Variants in MCF2L2 observed in about 807,000 individuals in gnomAD.
MCF2L2 encodes MCF.2 cell line derived transforming sequence-like 2.
MCF2L2 carries 102 observed loss-of-function variants against 150.2 expected under a neutral mutation model. The ratio of observed to expected loss-of-function variants is 0.68; its 90% CI spans 0.58 to 0.80. The LOEUF is 0.80. MCF2L2 is among the 30% of genes least tolerant of loss of function. The pLI, the probability that MCF2L2 is intolerant of heterozygous loss-of-function variation, is 0.00. For missense variants in MCF2L2, 1,256 were observed against 1,372.8 expected (o/e 0.91, Z 1.34); for synonymous variants, 465 against 491.3 (o/e 0.95, Z 0.71).
At chr3:183,209,431 A>G (rs1722609395) in intron 22 of MCF2L2, among the ~76,000 whole-genome samples, 1 of 152,160 alleles carries the variant, frequency 6.6e-6, no homozygotes, top group Non-Finnish European at 1.5e-5. Context: ...ACCTGACCAC[A>G]TGTGATGGGT....
chr3:183,340,904 C>T (rs534084968), intron 4 of MCF2L2, among the ~76,000 whole-genome samples: 1 of 152,298 alleles, frequency 6.6e-6, no homozygotes, highest in East Asian at 1.9e-4. Flanking sequence ...GATTGCGCCA[C>T]TGCACTCCAG....
At chr3:183,378,229 A>G (rs568458235) in intron 3 of MCF2L2, 1 of 152,308 alleles carries the variant, frequency 6.6e-6, no homozygotes, top group African/African-American at 2.4e-5. Flanking sequence ...TCTAAACCAC[A>G]CTATAGTCAA....
At chr3:183,278,311 T>C (rs1727284033) in intron 14 of MCF2L2, among the ~76,000 whole-genome samples, 1 of 151,066 alleles carries the variant, frequency 6.6e-6, no homozygotes, top group Admixed American at 6.6e-5. Context: ...GTGTGTGTTA[T>C]GATGTACTTC....
At chr3:183,363,670 G>A (rs1712347919) in intron 3 of MCF2L2, among the ~76,000 whole-genome samples, 1 of 152,108 alleles carries the variant, frequency 6.6e-6, no homozygotes, top group African/African-American at 2.4e-5. Context: ...AGCTCAGGAA[G>A]GTCGAGGCTG....
At chr3:183,203,681 A>C (rs1056229100) in intron 25 of MCF2L2, among the ~76,000 whole-genome samples, 11 of 152,262 alleles carry the variant, frequency 7.2e-5, no homozygotes, top group African/African-American at 2.4e-4. Context: ...TTAAAGAAGC[A>C]ATGGCTGAAC....
intron 5 of MCF2L2, among the ~76,000 whole-genome samples, chr3:183,325,540 AT>A (rs1440004250): frequency 6.6e-6 from 1 of 152,214 alleles, no homozygotes; most frequent in Non-Finnish European, 1.5e-5. Flanking sequence ...TTTAAAAGGT[AT>A]TTATTCTTTC....
At chr3:183,295,128 T>G (rs982305664) in intron 13 of MCF2L2, among the ~76,000 whole-genome samples, 172 bp downstream of exon 13, 1 of 152,220 alleles carries the variant, frequency 6.6e-6, no homozygotes, top group Non-Finnish European at 1.5e-5. Context: ...AGGCACTTGG[T>G]GTTATCTAAG....
At chr3:183,203,819 A>G (rs1722380006) in intron 25 of MCF2L2, among the ~76,000 whole-genome samples, 1 of 152,370 alleles carries the variant, frequency 6.6e-6, no homozygotes, top group East Asian at 1.9e-4. Context: ...AACAAAGACA[A>G]TGAAATTATC....
Position 183,338,838 on chromosome 3 carries a change from T to C in MCF2L2, c.448A>G (p.Ile150Val), listed in dbSNP as rs779938489. ...FIQRTFTDIG[I>V]KYYRNEFKTK... ...TTAAACTCATTTCGATAGTATTTAATGCCAATGTCAGTGAATGTCCTCTGG... is the reference window on the plus strand; with the variant it reads ...TTAAACTCATTTCGATAGTATTTAACGCCAATGTCAGTGAATGTCCTCTGG... Residue 150 changes from isoleucine (I) to valine (V), a missense_variant, in exon 5 of 30, where the codon ATT becomes GTT. Transcript: ENST00000328913. 54 of 1,607,188 alleles carry C rather than the reference T, an allele frequency of 3.4e-5. No homozygotes were observed. Among genetic ancestry groups the C allele is most frequent in the Non-Finnish European group, 4.3e-5 (51 of 1,175,100 alleles).
At chr3:183,269,811 G>GT in intron 15 of MCF2L2, 1 of 1,605,912 alleles carries the variant, frequency 6.2e-7, no homozygotes, top group Non-Finnish European at 8.5e-7. Flanking sequence ...GAGAATGTTG[G>GT]TTAGTGGCAG....
chr3:183,220,333 A>G (rs1337061501), intron 20 of MCF2L2, among the ~76,000 whole-genome samples: 3 of 152,150 alleles, frequency 2.0e-5, no homozygotes, highest in Non-Finnish European at 4.4e-5. Context: ...GTAGAGTGTT[A>G]TATCTTAGAG....
chr3:183,282,271 C>T (rs533124004), intron 14 of MCF2L2, among the ~76,000 whole-genome samples: 1 of 151,792 alleles, frequency 6.6e-6, no homozygotes, highest in South Asian at 2.1e-4. Context: ...CTCTGCCTCC[C>T]TGGTTCATGC....
chr3:183,292,556 T>TACACACACAC lies in MCF2L2; in HGVS notation c.1675+2734_1675+2743dup, dbSNP rs58788215. Among the ~76,000 whole-genome samples the TACACACACAC allele has an allele frequency of 7.8e-4, 114 of 145,572 alleles. 2 individuals are homozygous for TACACACACAC. Among genetic ancestry groups the TACACACACAC allele is most frequent in the African/African-American group, 2.7e-3 (109 of 39,760 alleles). ...CAGAAATGGTGAATAAGGGGGTATG[T>TACACACACAC]ACACACACACACACACACACACACA... On this transcript the variant is annotated intron_variant, in intron 13 of 29. Transcript: ENST00000328913.
chr3:183,336,565 T>G (rs887238603), intron 5 of MCF2L2, among the ~76,000 whole-genome samples: 3 of 152,068 alleles, frequency 2.0e-5, no homozygotes, highest in Non-Finnish European at 4.4e-5. Flanking sequence ...ATATGGAACC[T>G]AGCCGGGCGT....
At chr3:183,271,097 A>G in intron 15 of MCF2L2, 1 of 603,676 alleles carries the variant, frequency 1.7e-6, no homozygotes, top group Non-Finnish European at 2.8e-6. Context: ...GCTGTTTAAT[A>G]TCACTTATCT....
At chr3:183,224,326 T>C (rs1004641060) in intron 18 of MCF2L2, 136 bp from the exon 19 acceptor site, 2 of 618,250 alleles carry the variant, frequency 3.2e-6, no homozygotes, top group Non-Finnish European at 5.8e-6. Context: ...CAGTAAGTAA[T>C]CTTATGTTGG....
chr3:183,333,961 CAAAAAAAAAA>C (rs57368442), intron 5 of MCF2L2, among the ~76,000 whole-genome samples: 3 of 95,014 alleles, frequency 3.2e-5, no homozygotes, highest in Non-Finnish European at 7.7e-5. Flanking sequence ...AAGGAAGTGC[CAAAAAAAAAA>C]AAAAAAAAAA....
At chr3:183,318,924 A>T (rs1729704464) in intron 6 of MCF2L2, among the ~76,000 whole-genome samples, 1 of 152,220 alleles carries the variant, frequency 6.6e-6, no homozygotes, top group African/African-American at 2.4e-5. Context: ...CTCAATGTGG[A>T]TGGCTGCTGA....
At chr3:183,216,674 G>A (rs1397995100) in intron 21 of MCF2L2, among the ~76,000 whole-genome samples, 2 of 136,254 alleles carry the variant, frequency 1.5e-5, no homozygotes, top group African/African-American at 2.9e-5. Context: ...GCACGATCTC[G>A]GCTCGCTGCA....
Sources: allele counts gnomAD v4.1 joint callset (sites outside exome capture counted in the v4.1 genomes callset), GRCh38; gene constraint gnomAD v4.1.1; transcripts MANE v1.5; gene names NCBI Gene and HGNC (gene_info 2026-07-23, HGNC 2026-07-21).